Variants in PLCB4 observed in about 807,000 individuals in gnomAD.
The protein encoded by PLCB4 is phospholipase C beta 4.
PLCB4 carries 77 observed loss-of-function variants against 178.8 expected under a neutral mutation model. The ratio of observed to expected loss-of-function variants is 0.43; its 90% CI spans 0.36 to 0.52. The LOEUF is 0.52. Among genes scored for constraint, PLCB4 ranks in the 20% least tolerant of loss-of-function variants. The pLI, the probability that PLCB4 is intolerant of heterozygous loss-of-function variation, is 0.00. For missense variants in PLCB4, 1,024 were observed against 1,453.4 expected (o/e 0.70, Z 4.80); for synonymous variants, 496 against 490.8 (o/e 1.01, Z -0.14).
At chr20:9,081,434 T>G (rs927315408) in intron 1 of PLCB4, among the ~76,000 whole-genome samples, 2 of 152,228 alleles carry the variant, frequency 1.3e-5, no homozygotes, top group Non-Finnish European at 2.9e-5. Context: ...TAAAGCCTGC[T>G]GCACTGTGGA....
chr20:9,383,912 C>A (rs117425928), intron 13 of PLCB4, among the ~76,000 whole-genome samples: 2,219 of 152,210 alleles, frequency 0.015, 28 homozygotes, highest in South Asian at 0.022. Flanking sequence ...CCCCCTGGAC[C>A]CCTGGTCACC....
intron 39 of PLCB4, among the ~76,000 whole-genome samples, chr20:9,478,122 C>A (rs138401385): frequency 6.6e-6 from 1 of 152,122 alleles, no homozygotes; most frequent in Non-Finnish European, 1.5e-5. Context: ...TAATAAAAGT[C>A]GAAATGTACT....
intron 3 of PLCB4, among the ~76,000 whole-genome samples, chr20:9,219,115 A>G (rs2147280169): frequency 6.6e-6 from 1 of 152,332 alleles, no homozygotes; most frequent in Admixed American, 6.5e-5. Flanking sequence ...TTTGTTAAAT[A>G]TTTTAAGTTC....
chr20:9,164,934 CTT>C (rs201406115), intron 2 of PLCB4, among the ~76,000 whole-genome samples: 235 of 152,282 alleles, frequency 1.5e-3, no homozygotes, highest in African/African-American at 5.2e-3. Flanking sequence ...GTTTCTTCCT[CTT>C]GAGTCTGCCT....
intron 4 of PLCB4, among the ~76,000 whole-genome samples, chr20:9,330,168 G>C (rs2031417402): frequency 6.6e-6 from 1 of 152,192 alleles, no homozygotes; most frequent in African/African-American, 2.4e-5. Context: ...TAGAAAGCTA[G>C]ACCTCTTGGT....
chr20:9,317,794 G>A (rs1601807102), intron 4 of PLCB4, among the ~76,000 whole-genome samples: 2 of 152,284 alleles, frequency 1.3e-5, no homozygotes, highest in South Asian at 4.1e-4. Context: ...AAAGAACATG[G>A]CATTGTAGTA....
chr20:9,310,677 A>T (rs1317253038), intron 4 of PLCB4, among the ~76,000 whole-genome samples: 8 of 152,178 alleles, frequency 5.3e-5, no homozygotes, highest in Non-Finnish European at 2.9e-5. Context: ...ACGCCCCCAC[A>T]CACCAACCTG....
Position 9,169,448 on chromosome 20 carries a change from G to A in PLCB4, c.-78-47942G>A, listed in dbSNP as rs1033165473. On this transcript the variant is annotated intron_variant, in intron 2 of 39. Coordinates refer to ENST00000378473, the MANE Select transcript of PLCB4 (RefSeq NM_001377142.1). Reference sequence around the variant, plus strand: ...TAAAAAAAAAAAAAAAAATTAGCCCGGCGTGGTGGTGCACACCTGTAATCC... The same window carrying A: ...TAAAAAAAAAAAAAAAAATTAGCCCAGCGTGGTGGTGCACACCTGTAATCC... 6.6e-5 allele frequency among the ~76,000 whole-genome samples: 10 copies of A among 151,504 alleles called. No individual in the cohort carries two copies. In the East Asian group the frequency reaches 7.8e-4, roughly 12 times the overall value.
intron 25 of PLCB4, among the ~76,000 whole-genome samples, chr20:9,412,152 A>G (rs944520506): frequency 6.6e-6 from 1 of 152,216 alleles, no homozygotes; most frequent in African/African-American, 2.4e-5. Flanking sequence ...TGTAGCTGGG[A>G]AGAGAAAGAT....
chr20:9,106,056 C>A (rs1019428571), intron 2 of PLCB4, among the ~76,000 whole-genome samples: 1 of 151,876 alleles, frequency 6.6e-6, no homozygotes, highest in Non-Finnish European at 1.5e-5. Flanking sequence ...ACAATATGAT[C>A]AACAAAGGCT....
chr20:9,311,411 C>T (rs1475413832), intron 4 of PLCB4, among the ~76,000 whole-genome samples: 1 of 152,022 alleles, frequency 6.6e-6, no homozygotes, highest in African/African-American at 2.4e-5. Flanking sequence ...CATCATACAC[C>T]ACACCAAGAC....
chr20:9,393,803 A>G, intron 18 of PLCB4, 125 bp downstream of exon 18: 1 of 559,856 alleles, frequency 1.8e-6, no homozygotes, highest in Non-Finnish European at 3.1e-6. Context: ...GTGATGTTAC[A>G]GGTACTTTTC....
chr20:9,236,733 C>T (rs889873164), intron 3 of PLCB4, among the ~76,000 whole-genome samples: 33 of 152,300 alleles, frequency 2.2e-4, no homozygotes, highest in African/African-American at 7.9e-4. Context: ...TAGCATTCTA[C>T]GTGAGTTTCT....
intron 19 of PLCB4, among the ~76,000 whole-genome samples, chr20:9,399,411 A>T (rs1483365820): frequency 6.6e-6 from 1 of 152,240 alleles, no homozygotes; most frequent in South Asian, 2.1e-4. Flanking sequence ...CACTGTATGA[A>T]TCTACTATCT....
At chr20:9,367,124 CTT>C (rs913875587) in intron 9 of PLCB4, among the ~76,000 whole-genome samples, 1 of 152,192 alleles carries the variant, frequency 6.6e-6, no homozygotes, top group Admixed American at 6.6e-5. Flanking sequence ...TGACATTACT[CTT>C]TTCATATTTA....
At chr20:9,247,465 A>C in intron 3 of PLCB4, among the ~76,000 whole-genome samples, 1 of 152,204 alleles carries the variant, frequency 6.6e-6, no homozygotes, top group East Asian at 1.9e-4. Context: ...TTTTTGAATA[A>C]AAATACAACC....
At chr20:9,263,257 C>A (rs1303892490) in intron 3 of PLCB4, among the ~76,000 whole-genome samples, 1 of 152,152 alleles carries the variant, frequency 6.6e-6, no homozygotes, top group African/African-American at 2.4e-5. Flanking sequence ...TCTGATAATA[C>A]TTGTCAAGGA....
intron 24 of PLCB4, 58 bp from the exon 25 acceptor site, chr20:9,410,979 G>A (rs371208971): frequency 1.0e-4 from 130 of 1,259,298 alleles, no homozygotes; most frequent in Non-Finnish European, 1.4e-4. Context: ...AAATCACCCC[G>A]TCAGGGTCTT....
intron 2 of PLCB4, among the ~76,000 whole-genome samples, chr20:9,100,733 T>C (rs1038423987): frequency 2.6e-5 from 4 of 152,196 alleles, no homozygotes; most frequent in Admixed American, 2.0e-4. Context: ...CCTACTTGGC[T>C]AGGCTGGTAT....
Sources: gnomAD v4.1 joint callset for allele counts (sites outside exome capture counted in the v4.1 genomes callset) on GRCh38, gnomAD v4.1.1 for gene constraint, MANE v1.5 for transcripts, NCBI Gene and HGNC (gene_info 2026-07-23, HGNC 2026-07-21) for gene names.